Variants in UGT1A5 observed in about 807,000 individuals in gnomAD.
UGT1A5 encodes the protein UDP glucuronosyltransferase family 1 member A5, also known as UDP-glucuronosyltransferase 1A5.
UGT1A5 carries 29 observed loss-of-function variants against 40.3 expected under a neutral mutation model. The observed-to-expected ratio is 0.72, with a 90% CI of 0.54 to 0.98. UGT1A5 has a LOEUF of 0.98. Among genes scored for constraint, UGT1A5 ranks in the 50% least tolerant of loss-of-function variants. The probability of loss-of-function intolerance (pLI) is 0.00; values close to 1 mark genes in which losing one functional copy is unlikely to be tolerated. For missense variants in UGT1A5, 678 were observed against 677.9 expected (o/e 1.00, Z 0.00); for synonymous variants, 257 against 262.5 (o/e 0.98, Z 0.20).
rs981811501 is a variant in UGT1A5 at position 233,745,071 on chromosome 2, G to T, written c.868-21963G>T. Reference sequence around the variant, plus strand: ...GTTTTTTATTTGTATTATTTGTATTGTTTTTTCATTGCTCTTCCCCCCAAA... The same window carrying T: ...GTTTTTTATTTGTATTATTTGTATTTTTTTTTCATTGCTCTTCCCCCCAAA... On this transcript the variant is annotated intron_variant, in intron 1 of 4. Transcript: ENST00000373414. Among the ~76,000 whole-genome samples the T allele has an allele frequency of 7.2e-5, 11 of 151,894 alleles. No individual in the cohort carries two copies. In the East Asian group the frequency reaches 9.6e-4, roughly 13 times the overall value.
At chr2:233,720,001 A>G (rs904856) in intron 1 of UGT1A5, among the ~76,000 whole-genome samples, 12,162 of 152,212 alleles carry the variant, frequency 0.08, 620 homozygotes, top group East Asian at 0.2. Context: ...CACTACATTC[A>G]GAACTGATCC....
intron 1 of UGT1A5, among the ~76,000 whole-genome samples, chr2:233,718,520 C>T (rs1396041935): frequency 2.0e-5 from 3 of 152,154 alleles, no homozygotes; most frequent in Non-Finnish European, 2.9e-5. Context: ...AAATGGGTGT[C>T]CACAGCCTTG....
At chr2:233,736,941 G>A (rs2125804674) in intron 1 of UGT1A5, among the ~76,000 whole-genome samples, 1 of 152,244 alleles carries the variant, frequency 6.6e-6, no homozygotes, top group East Asian at 1.9e-4. Context: ...ACCTATATGA[G>A]GTGTCTGTTG....
intron 1 of UGT1A5, chr2:233,719,470 C>T (rs568794982): frequency 6.2e-7 from 1 of 1,613,998 alleles, no homozygotes; most frequent in South Asian, 1.1e-5. Flanking sequence ...ATGCTCTACC[C>T]TCTGGCCCTG....
chr2:233,735,217 A>T (rs1317592719), intron 1 of UGT1A5, among the ~76,000 whole-genome samples: 1 of 152,114 alleles, frequency 6.6e-6, no homozygotes, highest in African/African-American at 2.4e-5. Flanking sequence ...GTGCATATAT[A>T]TTTAGGATAG....
At position 233,767,811 on chromosome 2, in the gene UGT1A5, G is replaced by C. The variant is rs887887266; in HGVS notation, c.1000-38G>C. 1.2e-5 allele frequency: 19 copies of C among 1,614,006 alleles called. No individual in the cohort carries two copies. In the Admixed American group the frequency reaches 2.8e-4, roughly 24 times the overall value. On this transcript the variant is annotated intron_variant, in intron 2 of 4. Coordinates refer to ENST00000373414, the MANE Select transcript of UGT1A5 (RefSeq NM_019078.2). ...CAGATTTGTTTTCTAATCATATTAT[G>C]TTCTTTCTTTACGTTCTGCTCTTTT...
chr2:233,767,294 T>C, intron 2 of UGT1A5, 129 bp downstream of exon 2: 2 of 1,552,282 alleles, frequency 1.3e-6, no homozygotes, highest in Non-Finnish European at 1.7e-6. Context: ...TTCCCAACTA[T>C]TAATCCAAAG....
Position 233,768,439 on chromosome 2 carries a change from G to T in UGT1A5, c.1307G>T (p.Ser436Ile), listed in dbSNP as rs1306719122. 6.2e-7 allele frequency: 1 copy of T among 1,613,244 alleles called. No homozygotes were observed. Among genetic ancestry groups the T allele is most frequent in the South Asian group, 1.1e-5 (1 of 90,868 alleles). ...CTAAAAGCAGTCATCAATGACAAAAGGTAAGAAAGAAGATACAGAAGAATA... is the reference window on the plus strand; with the variant it reads ...CTAAAAGCAGTCATCAATGACAAAATGTAAGAAAGAAGATACAGAAGAATA... ...NALKAVINDK[S>I]YKENIMRLSS... Residue 436 changes from serine to isoleucine, a missense_variant and splice_region_variant, in exon 4 of 5, where the codon AGT becomes ATT. Transcript: ENST00000373414.
At chr2:233,729,848 G>A (rs2077933569) in intron 1 of UGT1A5, 3 of 1,613,874 alleles carry the variant, frequency 1.9e-6, no homozygotes, top group Non-Finnish European at 2.5e-6. Context: ...CTTTTTCAGA[G>A]AGAGGTGTCA....
chr2:233,715,422 G>A (rs1232475756), intron 1 of UGT1A5, among the ~76,000 whole-genome samples: 1 of 152,116 alleles, frequency 6.6e-6, no homozygotes, highest in Admixed American at 6.5e-5. Flanking sequence ...CATTTTATCT[G>A]ATATCAGTAA....
intron 1 of UGT1A5, among the ~76,000 whole-genome samples, chr2:233,756,604 C>T (rs914908855): frequency 6.6e-6 from 1 of 152,112 alleles, no homozygotes; most frequent in South Asian, 2.1e-4. Flanking sequence ...TGTATCGAAA[C>T]CATTAAGACT....
chr2:233,726,352 A>G (rs1342546979), intron 1 of UGT1A5, among the ~76,000 whole-genome samples: 1 of 152,162 alleles, frequency 6.6e-6, no homozygotes, highest in Non-Finnish European at 1.5e-5. Context: ...TGATTTATTT[A>G]TTTAAAACAC....
chr2:233,717,520 C>A (rs1221437442), intron 1 of UGT1A5, among the ~76,000 whole-genome samples: 1 of 152,224 alleles, frequency 6.6e-6, no homozygotes, highest in Non-Finnish European at 1.5e-5. Flanking sequence ...GGAGTAACTT[C>A]CTCCATAAGG....
rs541889262 is a variant in UGT1A5 at position 233,732,819 on chromosome 2, A to T, written c.867+18961A>T. 7.3e-4 allele frequency among the ~76,000 whole-genome samples: 110 copies of T among 150,442 alleles called. 1 individual carries two copies. The highest frequency in any genetic ancestry group is 2.7e-3 in the African/African-American group (109 of 40,796). On this transcript the variant is annotated intron_variant, in intron 1 of 4. Coordinates refer to ENST00000373414, the MANE Select transcript of UGT1A5 (RefSeq NM_019078.2). The stretch of plus-strand genomic sequence containing the variant: ...CAGGCTCTTTTTTGATTCCATATGA[A>T]CTTTAAAGTAGTTTTTTCCAATTTT...
intron 1 of UGT1A5, among the ~76,000 whole-genome samples, chr2:233,737,566 A>G (rs560487651): frequency 6.6e-6 from 1 of 152,226 alleles, no homozygotes; most frequent in South Asian, 2.1e-4. Flanking sequence ...GGATGCACCC[A>G]CTATCCAACC....
intron 1 of UGT1A5, chr2:233,739,012 T>A (rs1690960444): frequency 6.6e-6 from 1 of 152,230 alleles, no homozygotes; most frequent in Admixed American, 6.5e-5. Context: ...TCCCAGTGGC[T>A]CCAGCCATGG....
chr2:233,731,634 A>G (rs547560003), intron 1 of UGT1A5, among the ~76,000 whole-genome samples: 6 of 152,300 alleles, frequency 3.9e-5, no homozygotes, highest in African/African-American at 9.6e-5. Flanking sequence ...TTATGGCTGC[A>G]TAGTATTCCA....
chr2:233,767,956 T>G lies in UGT1A5; in HGVS notation c.1087+20T>G, dbSNP rs745426586. The G allele has an allele frequency of 3.1e-6, 5 of 1,614,074 alleles. No individual in the cohort carries two copies. The East Asian group carries it at 8.9e-5, about 29-fold the overall frequency. On this transcript the variant is annotated intron_variant, in intron 3 of 4. Transcript: ENST00000373414. ...TGCTTGGTATGTTGGGCGGATTGGATGTATAGGTCAAACCAGGGTCAAATT... is the reference window on the plus strand; with the variant it reads ...TGCTTGGTATGTTGGGCGGATTGGAGGTATAGGTCAAACCAGGGTCAAATT...
In UGT1A5 at chr2:233,768,243, A is replaced by G. The variant is rs748989741; in HGVS notation, c.1111A>G (p.Ile371Val). 8 of 1,614,146 alleles carry G rather than the reference A, an allele frequency of 5.0e-6. No individual in the cohort carries two copies. In the South Asian group the frequency reaches 7.7e-5, roughly 16 times the overall value. Residue 371 changes from isoleucine (I) to valine (V), a missense_variant, in exon 4 of 5, where the codon ATC (isoleucine) becomes GTC (valine). Ile to Val is a conservative substitution (Grantham distance 29). Transcript: ENST00000373414. ...LLGHPMTRAF[I>V]THAGSHGVYE... is the part of the protein sequence containing the mutation. ...AGGTCACCCGATGACCCGTGCCTTT[A>G]TCACCCATGCTGGTTCCCATGGTGT...
Sources: gnomAD v4.1 joint callset for allele counts (sites outside exome capture counted in the v4.1 genomes callset) on GRCh38, gnomAD v4.1.1 for gene constraint, MANE v1.5 for transcripts, NCBI Gene and HGNC (gene_info 2026-07-23, HGNC 2026-07-21) for gene names.